The following NR1H4 variants were observed in gnomAD, a reference collection of about 807,000 sequenced individuals.
The protein encoded by NR1H4 is nuclear receptor subfamily 1 group H member 4.
A neutral mutation model predicts 58.5 loss-of-function variants in NR1H4; 23 were observed. That is an observed-to-expected ratio of 0.39 (90% confidence interval 0.28 to 0.56). NR1H4 has a LOEUF of 0.56. Ranked by LOEUF, NR1H4 falls within the 20% of genes least tolerant of loss-of-function variation. NR1H4 has a pLI of 0.58. For missense variants in NR1H4, 487 were observed against 576.9 expected, an observed-to-expected ratio of 0.84 and a Z score of 1.60; for synonymous variants, 214 against 198.0, an observed-to-expected ratio of 1.08 and a Z score of -0.68.
At chr12:100,507,017 A>G (rs1004796212) in intron 3 of NR1H4, among the ~76,000 whole-genome samples, 3 of 152,192 alleles carry the variant, frequency 2.0e-5, no homozygotes, top group African/African-American at 7.2e-5. Flanking sequence ...TGTTTTGTTG[A>G]AATAATGCTT....
chr12:100,557,079 G>A (rs561553226), intron 9 of NR1H4, among the ~76,000 whole-genome samples: 3 of 151,958 alleles, frequency 2.0e-5, no homozygotes, highest in Non-Finnish European at 4.4e-5. Context: ...TTTGTTACAT[G>A]GTGCGTTAGT....
At chr12:100,481,742 A>G (rs1041649550) in intron 1 of NR1H4, among the ~76,000 whole-genome samples, 1 of 151,874 alleles carries the variant, frequency 6.6e-6, no homozygotes, top group Non-Finnish European at 1.5e-5. Context: ...GTGAAACCCC[A>G]TCTCTACTAA....
intron 4 of NR1H4, among the ~76,000 whole-genome samples, chr12:100,529,367 C>T (rs967348967): frequency 4.6e-5 from 7 of 152,164 alleles, no homozygotes; most frequent in African/African-American, 7.2e-5. Flanking sequence ...GTCTCCAATA[C>T]GCGTTCCACC....
At chr12:100,499,605 A>T (rs1227571355) in intron 3 of NR1H4, among the ~76,000 whole-genome samples, 1 of 152,236 alleles carries the variant, frequency 6.6e-6, no homozygotes, top group Non-Finnish European at 1.5e-5. Context: ...GTGTGCAATG[A>T]GTCAGAGAGT....
rs559612476 is a variant in NR1H4, at chr12:100,514,166, C to T, written c.445+3023C>T. Reference sequence around the variant, plus strand: ...ATTGGCTTTTTGCCTTAGGTGGTAACGAACTTCTCATTATTACAGGAATTC... The same window carrying T: ...ATTGGCTTTTTGCCTTAGGTGGTAATGAACTTCTCATTATTACAGGAATTC... On this transcript the variant is annotated intron_variant, in intron 4 of 10. Transcript: ENST00000392986. 2.2e-4 allele frequency among the ~76,000 whole-genome samples: 34 copies of T among 152,192 alleles called. No homozygotes were observed. The South Asian group carries it at 5.8e-3, about 26-fold the overall frequency.
At chr12:100,536,423 G>A (rs1350989720) in intron 6 of NR1H4, 89 bp from the exon 7 acceptor site, 2 of 734,214 alleles carry the variant, frequency 2.7e-6, no homozygotes, top group Non-Finnish European at 4.9e-6. Flanking sequence ...TATGATTTCT[G>A]CTATTAGGTC....
chr12:100,500,167 C>G (rs1406943223), intron 3 of NR1H4: 1 of 333,038 alleles, frequency 3.0e-6, no homozygotes, highest in Non-Finnish European at 5.9e-6. Context: ...GTTTAAGTCT[C>G]CAGGCTTAGA....
chr12:100,558,590 C>T (rs1429658145), intron 9 of NR1H4, among the ~76,000 whole-genome samples: 1 of 152,218 alleles, frequency 6.6e-6, no homozygotes, highest in Non-Finnish European at 1.5e-5. Flanking sequence ...AACTCCTGAG[C>T]TCAAGCAATC....
At position 100,510,818 on chromosome 12, in the gene NR1H4, C is replaced by T. The variant is rs1468569486; in HGVS notation, c.120C>T (p.Asn40=). The T allele has an allele frequency of 1.2e-6, 2 of 1,613,974 alleles. No homozygotes were observed. The highest frequency in any genetic ancestry group is 2.2e-5 in the East Asian group (1 of 44,882). ...AAGTGGCAGGTCCTCTGGGACAGAA[C>T]CTGGAAGTGGAACCATACTCGCAAT... ...TEQVAGPLGQ[N]LEVEPYSQYS... Residue 40 remains asparagine (N), a synonymous_variant, in exon 4 of 11, where the codon AAC becomes AAT. Transcript: ENST00000392986.
intron 4 of NR1H4, among the ~76,000 whole-genome samples, chr12:100,522,007 A>C (rs1284365834): frequency 6.6e-6 from 1 of 152,132 alleles, no homozygotes; most frequent in Non-Finnish European, 1.5e-5. Context: ...TTCCAATCCC[A>C]GCTGATTCTC....
At chr12:100,551,345 T>C (rs1183946683) in intron 9 of NR1H4, among the ~76,000 whole-genome samples, 1 of 152,190 alleles carries the variant, frequency 6.6e-6, no homozygotes, top group Non-Finnish European at 1.5e-5. Flanking sequence ...TGCTTTAGCC[T>C]TTTCAGCTTG....
intron 9 of NR1H4, among the ~76,000 whole-genome samples, chr12:100,554,838 G>A (rs1593133929): frequency 6.6e-6 from 1 of 152,176 alleles, no homozygotes; most frequent in Non-Finnish European, 1.5e-5. Flanking sequence ...CATCTCCAGT[G>A]TTAGAAATTG....
chr12:100,505,287 T>C (rs1230690860), intron 3 of NR1H4, among the ~76,000 whole-genome samples: 1 of 152,170 alleles, frequency 6.6e-6, no homozygotes, highest in African/African-American at 2.4e-5. Context: ...GATTTCCCAT[T>C]TGGGGGTACA....
At chr12:100,507,331 C>A (rs1953990117) in intron 3 of NR1H4, among the ~76,000 whole-genome samples, 1 of 151,956 alleles carries the variant, frequency 6.6e-6, no homozygotes, top group Admixed American at 6.5e-5. Context: ...TCTATTTTAT[C>A]TTTTCTTTTT....
intron 1 of NR1H4, among the ~76,000 whole-genome samples, chr12:100,480,604 C>T (rs1953358183): frequency 1.3e-5 from 2 of 152,168 alleles, no homozygotes; most frequent in African/African-American, 2.4e-5. Context: ...CTTCTAGCCT[C>T]AGATCATCCC....
intron 9 of NR1H4, 25 bp downstream of exon 9, chr12:100,540,843 A>C: frequency 6.2e-7 from 1 of 1,613,484 alleles, no homozygotes; most frequent in Non-Finnish European, 8.5e-7. Context: ...TAATGGTAAA[A>C]GAGTTTGTTT....
intron 4 of NR1H4, among the ~76,000 whole-genome samples, chr12:100,530,775 G>A (rs1038074744): frequency 6.6e-6 from 1 of 152,162 alleles, no homozygotes; most frequent in African/African-American, 2.4e-5. Flanking sequence ...GGAAAATGGT[G>A]TCCCCTCATG....
At chr12:100,476,089 A>C (rs1274889635) in intron 1 of NR1H4, among the ~76,000 whole-genome samples, 4 of 152,140 alleles carry the variant, frequency 2.6e-5, no homozygotes, top group African/African-American at 9.7e-5. Context: ...CAAAAAATAC[A>C]AGTGACCCGT....
At chr12:100,530,552 G>A (rs553584481) in intron 4 of NR1H4, among the ~76,000 whole-genome samples, 2 of 152,328 alleles carry the variant, frequency 1.3e-5, no homozygotes, top group Admixed American at 6.5e-5. Flanking sequence ...AAATTTCACA[G>A]TGGATATTCA....
Sources: gnomAD v4.1 joint callset for allele counts (sites outside exome capture counted in the v4.1 genomes callset) on GRCh38, gnomAD v4.1.1 for gene constraint, MANE v1.5 for transcripts, NCBI Gene and HGNC (gene_info 2026-07-23, HGNC 2026-07-21) for gene names.